Variants in CNIH3 observed in about 807,000 individuals in gnomAD.
CNIH3 encodes cornichon family AMPA receptor auxiliary protein 3, also known as protein cornichon homolog 3.
In CNIH3, 14 loss-of-function variants were observed where a neutral mutation model predicts 24.1. That is an observed-to-expected ratio of 0.58 (90% CI 0.38 to 0.91). The LOEUF (loss-of-function observed/expected upper bound fraction) is 0.91. CNIH3 is among the 40% of genes least tolerant of loss of function. CNIH3 has a pLI of 0.00. For missense variants in CNIH3, 178 were observed against 196.8 expected (o/e 0.90, Z 0.57); for synonymous variants, 68 against 73.8 (o/e 0.92, Z 0.40).
At chr1:224,444,510 C>T (rs1675061522) in intron 1 of CNIH3, among the ~76,000 whole-genome samples, 1 of 152,060 alleles carries the variant, frequency 6.6e-6, no homozygotes, top group Non-Finnish European at 1.5e-5. Flanking sequence ...CCACCATGCC[C>T]AGCTAATTTT....
intron 1 of CNIH3, among the ~76,000 whole-genome samples, chr1:224,647,604 T>G (rs911816562): frequency 6.6e-6 from 1 of 152,182 alleles, no homozygotes; most frequent in Non-Finnish European, 1.5e-5. Context: ...AGCAGTGAAC[T>G]GGGTTAGGGC....
rs1572620647 is a variant in CNIH3, at chr1:224,630,368, T to C, written c.81+13113T>C. On this transcript the variant is annotated intron_variant, in intron 1 of 5. Transcript: ENST00000272133. Reference sequence around the variant, plus strand: ...CTGGGGGTTGTTGGGGGCATGGAAATGAAGTAGGTTGTTAGCTCACTGGGA... The same window carrying C: ...CTGGGGGTTGTTGGGGGCATGGAAACGAAGTAGGTTGTTAGCTCACTGGGA... 2.6e-5 allele frequency among the ~76,000 whole-genome samples: 4 copies of C among 152,164 alleles called. No individual in the cohort carries two copies. In the South Asian group the frequency reaches 6.2e-4, roughly 24 times the overall value.
chr1:224,704,994 T>C lies in CNIH3; in HGVS notation c.198+20151T>C, dbSNP rs1474665545. Among the ~76,000 whole-genome samples the C allele has an allele frequency of 1.3e-5, 2 of 152,086 alleles. No homozygotes were observed. The highest frequency in any genetic ancestry group is 4.8e-5 in the African/African-American group (2 of 41,414). Reference sequence around the variant, plus strand: ...GGCATGGTGGCAGACTACAGTAGGCTGTAGTCCCAGCTACTCAGGAGGCCA... The same window carrying C: ...GGCATGGTGGCAGACTACAGTAGGCCGTAGTCCCAGCTACTCAGGAGGCCA... On this transcript the variant is annotated intron_variant, in intron 3 of 5. Coordinates refer to ENST00000272133, the MANE Select transcript of CNIH3 (RefSeq NM_152495.2). This position sits in a 1 kb window ranked among gnomAD's most constrained non-coding sequence, Gnocchi z 4.2.
In CNIH3 at chr1:224,577,423, A is replaced by AAT. The variant is rs543351664; in HGVS notation, n.517-5731_517-5730dup. 1.3e-4 allele frequency among the ~76,000 whole-genome samples: 20 copies of AAT among 152,154 alleles called. 1 individual carries two copies. In the South Asian group the frequency reaches 2.9e-3, roughly 22 times the overall value. ...GAACATGAATAGACAATTCTCAACA[A>AAT]ATATATATATACTAATGCCCAACAC... On this transcript the variant is annotated intron_variant and non_coding_transcript_variant, in intron 4 of 5. Transcript: ENST00000471578.
At chr1:224,725,506 G>A (rs543744448) in intron 3 of CNIH3, among the ~76,000 whole-genome samples, 4 of 152,162 alleles carry the variant, frequency 2.6e-5, no homozygotes, top group African/African-American at 7.2e-5. Flanking sequence ...TGTCTGAGTC[G>A]ACAGGGGCAT....
intron 1 of CNIH3, among the ~76,000 whole-genome samples, chr1:224,470,936 C>G (rs192860811): frequency 2.6e-5 from 4 of 152,152 alleles, no homozygotes; most frequent in African/African-American, 9.7e-5. Flanking sequence ...AAGAATTTAT[C>G]GTTTGTGTTA....
intron 1 of CNIH3, among the ~76,000 whole-genome samples, chr1:224,509,384 G>A (rs1355907087): frequency 3.9e-5 from 6 of 152,102 alleles, no homozygotes; most frequent in Admixed American, 3.9e-4. Context: ...GAAAGCCTGG[G>A]TGGTGGTTTG....
chr1:224,722,619 A>C (rs897880749), intron 3 of CNIH3, among the ~76,000 whole-genome samples: 1 of 152,120 alleles, frequency 6.6e-6, no homozygotes, highest in East Asian at 1.9e-4. Flanking sequence ...CCTTGTTAGA[A>C]AGGGGGACTC....
At chr1:224,454,320 T>C (rs1373355756) in intron 1 of CNIH3, 2 of 982,598 alleles carry the variant, frequency 2.0e-6, no homozygotes, top group Non-Finnish European at 2.4e-6. Flanking sequence ...AACTAATATT[T>C]CTTTTGCAAA....
At chr1:224,481,747 C>G (rs1676821527) in intron 1 of CNIH3, among the ~76,000 whole-genome samples, 1 of 152,236 alleles carries the variant, frequency 6.6e-6, no homozygotes, top group Non-Finnish European at 1.5e-5. Flanking sequence ...GCTGTAACCA[C>G]TACCTGGCTA....
At chr1:224,489,413 G>A (rs989287236) in intron 1 of CNIH3, among the ~76,000 whole-genome samples, 2 of 152,022 alleles carry the variant, frequency 1.3e-5, no homozygotes, top group Non-Finnish European at 2.9e-5. Context: ...GTTCACACCA[G>A]TAAGACTTTG....
At chr1:224,631,926 AG>A (rs1442182437) in intron 1 of CNIH3, among the ~76,000 whole-genome samples, 3 of 152,218 alleles carry the variant, frequency 2.0e-5, no homozygotes, top group Non-Finnish European at 4.4e-5. Context: ...CCTATATAAT[AG>A]AGACATTTGT....
intron 3 of CNIH3, among the ~76,000 whole-genome samples, chr1:224,711,419 C>G (rs1444531180): frequency 6.6e-6 from 1 of 151,424 alleles, no homozygotes; most frequent in Non-Finnish European, 1.5e-5. Flanking sequence ...CTACTGGGCT[C>G]AAGTGATCCT....
At chr1:224,626,681 C>T (rs1474298938) in intron 1 of CNIH3, among the ~76,000 whole-genome samples, 4 of 152,102 alleles carry the variant, frequency 2.6e-5, no homozygotes, top group East Asian at 3.8e-4. Context: ...TGTAGGATAA[C>T]GTCCAAACCG....
intron 1 of CNIH3, among the ~76,000 whole-genome samples, chr1:224,640,684 A>G (rs548609636): frequency 2.0e-5 from 3 of 152,228 alleles, no homozygotes; most frequent in South Asian, 4.2e-4. Flanking sequence ...AAAGCCCTTC[A>G]CCGGCTCTCT....
In CNIH3 at chr1:224,617,101, G is replaced by C; in HGVS notation, c.-74G>C. Reference sequence around the variant, plus strand: ...GTGCAGACGCGGCTCCTTGGAGGGAGTGCGGTCCTCTAGGGAGGCATCGGG... The same window carrying C: ...GTGCAGACGCGGCTCCTTGGAGGGACTGCGGTCCTCTAGGGAGGCATCGGG... On this transcript the variant is annotated 5_prime_UTR_variant, in exon 1 of 6. Coordinates refer to ENST00000272133, the MANE Select transcript of CNIH3 (RefSeq NM_152495.2). 1 of 1,583,248 alleles carries C rather than the reference G, an allele frequency of 6.3e-7. No individual in the cohort carries two copies. The highest frequency in any genetic ancestry group is 1.2e-5 in the South Asian group (1 of 85,180).
At chr1:224,450,430 G>T (rs898775022) in intron 1 of CNIH3, among the ~76,000 whole-genome samples, 29 of 152,140 alleles carry the variant, frequency 1.9e-4, no homozygotes, top group African/African-American at 6.5e-4. Context: ...CTCTCTCAGG[G>T]GTACCCTTGA....
intron 1 of CNIH3, among the ~76,000 whole-genome samples, chr1:224,665,678 A>G (rs1183499888): frequency 2.0e-5 from 3 of 152,198 alleles, no homozygotes; most frequent in Admixed American, 1.3e-4. Flanking sequence ...GGACTCACTT[A>G]TGAGATCAAA....
intron 3 of CNIH3, among the ~76,000 whole-genome samples, chr1:224,558,250 A>C (rs554581015): frequency 6.6e-6 from 1 of 152,192 alleles, no homozygotes; most frequent in South Asian, 2.1e-4. Flanking sequence ...TTCTATCTTC[A>C]AGGAGGCCAT....
Sources: gnomAD v4.1 joint callset for allele counts (sites outside exome capture counted in the v4.1 genomes callset) on GRCh38, gnomAD v4.1.1 for gene constraint, Gnocchi (gnomAD v3.1) non-coding constraint, MANE v1.5 for transcripts, NCBI Gene and HGNC (gene_info 2026-07-23, HGNC 2026-07-21) for gene names.